BMERB1: variants seen among roughly 807,000 people sequenced by gnomAD.
BMERB1 encodes the protein bMERB domain containing 1, also known as bMERB domain-containing protein 1.
BMERB1 carries 12 observed loss-of-function variants against 23.6 expected under a neutral mutation model. The observed-to-expected ratio is 0.51, with a 90% CI of 0.33 to 0.82. The LOEUF is 0.82. Among genes scored for constraint, BMERB1 ranks in the 40% least tolerant of loss-of-function variants. BMERB1 has a pLI of 0.03. For missense variants in BMERB1, 247 were observed against 255.4 expected, an observed-to-expected ratio of 0.97 and a Z score of 0.22; for synonymous variants, 122 against 96.6, an observed-to-expected ratio of 1.26 and a Z score of -1.54.
At chr16:15,463,875 T>A (rs865882478) in intron 1 of BMERB1, among the ~76,000 whole-genome samples, 2,181 of 143,144 alleles carry the variant, frequency 0.015, 59 homozygotes, top group African/African-American at 0.055. Context: ...GTGTATGCTT[T>A]AAAAAAAAAA....
At chr16:15,501,620 A>G (rs1385449160) in intron 1 of BMERB1, among the ~76,000 whole-genome samples, 2 of 152,156 alleles carry the variant, frequency 1.3e-5, no homozygotes, top group Non-Finnish European at 2.9e-5. Flanking sequence ...GATTACAGGC[A>G]CACACCACCA....
At chr16:15,444,328 G>C (rs995934479) in intron 1 of BMERB1, among the ~76,000 whole-genome samples, 1 of 151,380 alleles carries the variant, frequency 6.6e-6, no homozygotes, top group Non-Finnish European at 1.5e-5. Context: ...TGTTGTGGGC[G>C]TCTCCTGTGC....
At chr16:15,458,630 T>C (rs1223979826) in intron 1 of BMERB1, among the ~76,000 whole-genome samples, 9 of 151,120 alleles carry the variant, frequency 6.0e-5, no homozygotes, top group African/African-American at 1.9e-4. Flanking sequence ...TGCAGGAGGA[T>C]TGTTTGAGCC....
intron 5 of BMERB1, among the ~76,000 whole-genome samples, chr16:15,583,577 CAA>C (rs35021259): frequency 2.1e-4 from 13 of 61,856 alleles, no homozygotes; most frequent in Admixed American, 3.8e-4. Context: ...GACTTTGTCT[CAA>C]AAAAAAAAAA....
chr16:15,530,657 C>T (rs1210023289), intron 2 of BMERB1, among the ~76,000 whole-genome samples: 1 of 152,080 alleles, frequency 6.6e-6, no homozygotes, highest in Non-Finnish European at 1.5e-5. Flanking sequence ...CCCATAATCC[C>T]CATATGTCAT....
intron 2 of BMERB1, among the ~76,000 whole-genome samples, chr16:15,563,923 C>G (rs140116786): frequency 1.3e-5 from 2 of 152,258 alleles, no homozygotes; most frequent in African/African-American, 4.8e-5. Context: ...GGTGGATCCC[C>G]CATGAATAGA....
rs35873574 is a variant in BMERB1 at position 15,470,825 on chromosome 16, C to CTTT, written c.106+36092_106+36094dup. ...AGGCATGAGCCACCGCACCTGGCCT[C>CTTT]TTTTTTTTTTTTTTTTTTTTTTTTT... On this transcript the variant is annotated intron_variant, in intron 1 of 5. Coordinates refer to ENST00000300006, the MANE Select transcript of BMERB1 (RefSeq NM_033201.3). 5.9e-4 allele frequency among the ~76,000 whole-genome samples: 29 copies of CTTT among 49,386 alleles called. 2 individuals are homozygous for CTTT. Among genetic ancestry groups the CTTT allele is most frequent in the African/African-American group, 9.1e-4 (11 of 12,138 alleles). 32.4% of individuals were successfully genotyped at this position (49,386 alleles called of 152,430 possible).
intron 1 of BMERB1, among the ~76,000 whole-genome samples, chr16:15,501,778 C>T (rs986035302): frequency 2.6e-5 from 4 of 152,052 alleles, no homozygotes; most frequent in Admixed American, 1.3e-4. Flanking sequence ...TGCTCTGCCA[C>T]GGCTAATTTT....
intron 2 of BMERB1, among the ~76,000 whole-genome samples, chr16:15,526,829 C>T (rs1348508583): frequency 6.6e-6 from 1 of 150,414 alleles, no homozygotes; most frequent in Admixed American, 6.6e-5. Context: ...GTCTAAAAGT[C>T]ACACACAGAT....
At chr16:15,456,493 C>CTGGGTGTGG (rs2051088598) in intron 1 of BMERB1, among the ~76,000 whole-genome samples, 1 of 152,104 alleles carries the variant, frequency 6.6e-6, no homozygotes, top group Non-Finnish European at 1.5e-5. Flanking sequence ...CATGCCACCA[C>CTGGGTGTGG]ACCCAGCTAC....
In BMERB1 at chr16:15,434,652, C is replaced by T. The variant is rs1313789716; in HGVS notation, c.-2C>T. Reference sequence around the variant, plus strand: ...CCGTCGACCTGGCCACGGGGATCAGCGATGGAATTAAAGCAATCTTTGTCC... The same window carrying T: ...CCGTCGACCTGGCCACGGGGATCAGTGATGGAATTAAAGCAATCTTTGTCC... On this transcript the variant is annotated 5_prime_UTR_variant, in exon 1 of 6. Transcript: ENST00000300006. 2 of 1,613,554 alleles carry T rather than the reference C, an allele frequency of 1.2e-6. No individual in the cohort carries two copies. Among genetic ancestry groups the T allele is most frequent in the East Asian group, 2.2e-5 (1 of 44,870 alleles).
intron 1 of BMERB1, among the ~76,000 whole-genome samples, chr16:15,460,030 T>C (rs1322630827): frequency 6.6e-6 from 1 of 152,156 alleles, no homozygotes; most frequent in Non-Finnish European, 1.5e-5. Flanking sequence ...ACATTCTCAT[T>C]GATTTAGCAT....
chr16:15,505,905 A>G (rs1015915007), intron 1 of BMERB1, among the ~76,000 whole-genome samples: 2 of 151,242 alleles, frequency 1.3e-5, no homozygotes, highest in Non-Finnish European at 2.9e-5. Context: ...AAAAAAAAAA[A>G]GTGAATGTCA....
chr16:15,582,532 T>G (rs921252479), intron 4 of BMERB1, among the ~76,000 whole-genome samples: 1 of 152,036 alleles, frequency 6.6e-6, no homozygotes, highest in Non-Finnish European at 1.5e-5. Context: ...TGCCCCAACA[T>G]AGTGAGACCC....
At chr16:15,494,014 T>G (rs1010241077) in intron 1 of BMERB1, among the ~76,000 whole-genome samples, 17 of 152,292 alleles carry the variant, frequency 1.1e-4, no homozygotes, top group African/African-American at 4.1e-4. Context: ...CTGAATTGGT[T>G]TGTAAATTGG....
At chr16:15,532,952 C>T (rs991973066) in intron 2 of BMERB1, 1 of 453,492 alleles carries the variant, frequency 2.2e-6, no homozygotes, top group African/African-American at 2.0e-5. Flanking sequence ...GATTAAATTA[C>T]ACCTAGATTT....
At chr16:15,542,413 C>T (rs907666387) in intron 2 of BMERB1, among the ~76,000 whole-genome samples, 1 of 152,050 alleles carries the variant, frequency 6.6e-6, no homozygotes, top group Non-Finnish European at 1.5e-5. Context: ...GTGACGAGGC[C>T]CCAACCTGAA....
At chr16:15,562,057 C>T (rs1317818871) in intron 2 of BMERB1, among the ~76,000 whole-genome samples, 3 of 151,832 alleles carry the variant, frequency 2.0e-5, no homozygotes, top group African/African-American at 7.3e-5. Context: ...CCTATCATCC[C>T]AGCACTTTGG....
chr16:15,467,819 A>C (rs1264296802), intron 1 of BMERB1, among the ~76,000 whole-genome samples: 1 of 152,216 alleles, frequency 6.6e-6, no homozygotes, highest in Non-Finnish European at 1.5e-5. Context: ...TTAGGGAGAT[A>C]CAAGGCATCA....
Sources: gnomAD v4.1 joint callset for allele counts (sites outside exome capture counted in the v4.1 genomes callset) on GRCh38, gnomAD v4.1.1 for gene constraint, MANE v1.5 for transcripts, NCBI Gene and HGNC (gene_info 2026-07-23, HGNC 2026-07-21) for gene names.